Variants in ITPR2 observed in about 807,000 individuals in gnomAD.
ITPR2 encodes the protein inositol 1,4,5-trisphosphate-gated calcium channel ITPR2.
Under a neutral mutation model 317.1 loss-of-function variants are expected in ITPR2, and 207 were observed. The observed-to-expected ratio is 0.65, with a 90% CI of 0.58 to 0.73. ITPR2 has a LOEUF of 0.73. ITPR2 is among the 30% of genes least tolerant of loss of function. The pLI is 0.00. For missense variants in ITPR2, 2,613 were observed against 3,284.0 expected, an observed-to-expected ratio of 0.80 and a Z score of 4.99; for synonymous variants, 1,156 against 1,149.1, an observed-to-expected ratio of 1.01 and a Z score of -0.12.
chr12:26,802,836 A>G (rs997337389), intron 1 of ITPR2, among the ~76,000 whole-genome samples: 3 of 152,140 alleles, frequency 2.0e-5, no homozygotes, highest in African/African-American at 7.2e-5. Flanking sequence ...ACAATACACT[A>G]TCTTAGTGGG....
intron 10 of ITPR2, among the ~76,000 whole-genome samples, chr12:26,689,030 T>C (rs1948183601): frequency 6.6e-6 from 1 of 152,234 alleles, no homozygotes; most frequent in Admixed American, 6.5e-5. Context: ...TGTGACATGA[T>C]GGATACGTTA....
chr12:26,726,656 T>G (rs902000371), intron 2 of ITPR2, among the ~76,000 whole-genome samples: 1 of 152,190 alleles, frequency 6.6e-6, no homozygotes, highest in Non-Finnish European at 1.5e-5. Flanking sequence ...TCATTCTCAT[T>G]CGACAAATAA....
chr12:26,722,431 T>C lies in ITPR2; in HGVS notation c.491A>G (p.His164Arg). 2 of 1,612,760 alleles carry C rather than the reference T, an allele frequency of 1.2e-6. No homozygotes were observed. Among genetic ancestry groups the C allele is most frequent in the Non-Finnish European group, 1.7e-6 (2 of 1,179,198 alleles). ...CTCGCTTCTCAGTTTCCAGAACGGA[T>C]GAATATAAAACCAAGACCCTTCATT... The part of the protein sequence containing the change: ...AGNEGSWFYI[H>R]PFWKLRSEGD... The change falls in exon 5 of 57, where the codon CAT becomes CGT. Residue 164 changes from histidine to arginine, a missense_variant. By Grantham distance (29) the His-to-Arg change is conservative. Coordinates refer to ENST00000381340, the MANE Select transcript of ITPR2 (RefSeq NM_002223.4).
intron 2 of ITPR2, among the ~76,000 whole-genome samples, chr12:26,733,917 A>C (rs985904476): frequency 6.6e-6 from 1 of 152,228 alleles, no homozygotes; most frequent in Non-Finnish European, 1.5e-5. Context: ...TCATTACATA[A>C]GTGTCAGATT....
chr12:26,494,013 A>G, intron 39 of ITPR2, 140 bp downstream of exon 39: 1 of 590,380 alleles, frequency 1.7e-6, no homozygotes, highest in Non-Finnish European at 2.8e-6. Flanking sequence ...CAAATTTAAG[A>G]AAAGTGTGAT....
Position 26,554,257 on chromosome 12 carries a change from A to C in ITPR2, c.4964+1976T>G, listed in dbSNP as rs543546258. On this transcript the variant is annotated intron_variant, in intron 36 of 56. Coordinates refer to ENST00000381340, the MANE Select transcript of ITPR2 (RefSeq NM_002223.4). ...TGTGCTGCCAAATTTGGTAGCCATTAGCCACATGTGGCTACTGAGCACTTG... is the reference window on the plus strand; with the variant it reads ...TGTGCTGCCAAATTTGGTAGCCATTCGCCACATGTGGCTACTGAGCACTTG... Among the ~76,000 whole-genome samples, 6 of 152,342 alleles carry C rather than the reference A, an allele frequency of 3.9e-5. No homozygotes were observed. The East Asian group carries it at 1.2e-3, about 29-fold the overall frequency.
chr12:26,774,009 T>C (rs1338407891), intron 2 of ITPR2, among the ~76,000 whole-genome samples: 10 of 128,642 alleles, frequency 7.8e-5, no homozygotes, highest in Admixed American at 7.1e-4. Flanking sequence ...TTTTTTTTTT[T>C]TAGTATAAAG....
intron 49 of ITPR2, chr12:26,419,920 C>T (rs954607932): frequency 6.6e-6 from 1 of 151,710 alleles, no homozygotes; most frequent in African/African-American, 2.4e-5. Flanking sequence ...TACTTATATA[C>T]CTGAGTTAAA....
intron 1 of ITPR2, among the ~76,000 whole-genome samples, chr12:26,795,442 A>G (rs1409812075): frequency 6.6e-6 from 1 of 152,238 alleles, no homozygotes; most frequent in Non-Finnish European, 1.5e-5. Context: ...TAAGACTTCC[A>G]TCCACCTAAG....
intron 13 of ITPR2, among the ~76,000 whole-genome samples, chr12:26,671,130 A>C (rs1330453552): frequency 6.6e-6 from 1 of 152,226 alleles, no homozygotes; most frequent in Non-Finnish European, 1.5e-5. Flanking sequence ...ACTCTGCAGG[A>C]TATTATCCAG....
chr12:26,829,905 T>C (rs1951072206), intron 1 of ITPR2, among the ~76,000 whole-genome samples: 1 of 152,020 alleles, frequency 6.6e-6, no homozygotes, highest in South Asian at 2.1e-4. Context: ...TTTTGTTTTG[T>C]TTTGTTTGTT....
At chr12:26,476,553 A>G (rs958223522) in intron 44 of ITPR2, among the ~76,000 whole-genome samples, 1 of 152,212 alleles carries the variant, frequency 6.6e-6, no homozygotes, top group East Asian at 1.9e-4. Flanking sequence ...AGTATAAATA[A>G]AATTTTTGAA....
At chr12:26,509,835 G>C (rs1321068471) in intron 37 of ITPR2, among the ~76,000 whole-genome samples, 2 of 151,976 alleles carry the variant, frequency 1.3e-5, no homozygotes, top group African/African-American at 4.8e-5. Context: ...TTGATGTGTA[G>C]AAACTCAAAA....
intron 36 of ITPR2, among the ~76,000 whole-genome samples, chr12:26,555,382 C>G (rs1944634607): frequency 6.6e-6 from 1 of 152,162 alleles, no homozygotes; most frequent in African/African-American, 2.4e-5. Context: ...CTCACTGACT[C>G]TCCATCCAGA....
chr12:26,365,549 C>A (rs1020883031), intron 55 of ITPR2, among the ~76,000 whole-genome samples: 4 of 152,034 alleles, frequency 2.6e-5, no homozygotes, highest in African/African-American at 9.7e-5. Context: ...GTAAGTTTAC[C>A]ATTTTAAATC....
In ITPR2 at chr12:26,337,888, T is replaced by C. The variant is rs1473687480; in HGVS notation, c.*1509A>G. 1.3e-5 allele frequency: 2 copies of C among 152,232 alleles called. No homozygotes were observed. Among genetic ancestry groups the C allele is most frequent in the African/African-American group, 4.8e-5 (2 of 41,470 alleles). The allele number at this position is 152,232 out of a possible 1,614,324, so 9.4% of individuals were successfully genotyped here. On this transcript the variant is annotated 3_prime_UTR_variant, in exon 57 of 57. Coordinates refer to ENST00000381340, the MANE Select transcript of ITPR2 (RefSeq NM_002223.4). ...GAAGGATTGGTTCAGGCTTCCTTTA[T>C]ATTCTACATAGATCTTGATTTGGGA...
chr12:26,784,424 C>T (rs2137191859), intron 2 of ITPR2, among the ~76,000 whole-genome samples: 1 of 149,728 alleles, frequency 6.7e-6, no homozygotes, highest in South Asian at 2.1e-4. Flanking sequence ...GGTGCTGCTG[C>T]CATCTCGGCT....
chr12:26,662,208 C>A (rs150748993), intron 15 of ITPR2, among the ~76,000 whole-genome samples: 313 of 152,112 alleles, frequency 2.1e-3, no homozygotes, highest in African/African-American at 7.1e-3. Context: ...TTTTTTCTTC[C>A]CCAAAAATGT....
Position 26,786,547 on chromosome 12 carries a change from T to C in ITPR2, c.163+3610A>G, listed in dbSNP as rs1248645520. 8.5e-5 allele frequency among the ~76,000 whole-genome samples: 13 copies of C among 152,104 alleles called. No homozygotes were observed. The East Asian group carries it at 2.5e-3, about 29-fold the overall frequency. On this transcript the variant is annotated intron_variant, in intron 2 of 56. Transcript: ENST00000381340. ...TATGTTTCTGTTAATATCAATCTATTGTATGGTTTCTATCGAAAAATGGCT... is the reference window on the plus strand; with the variant it reads ...TATGTTTCTGTTAATATCAATCTATCGTATGGTTTCTATCGAAAAATGGCT...
Sources: gnomAD v4.1 joint callset for allele counts (sites outside exome capture counted in the v4.1 genomes callset) on GRCh38, gnomAD v4.1.1 for gene constraint, MANE v1.5 for transcripts, NCBI Gene and HGNC (gene_info 2026-07-23, HGNC 2026-07-21) for gene names.